Variants in WLS observed in about 807,000 individuals in gnomAD.
WLS encodes Wnt ligand secretion mediator, also known as protein wntless homolog.
In WLS, 23 loss-of-function variants were observed where a neutral mutation model predicts 62.8. The ratio of observed to expected loss-of-function variants is 0.37; its 90% CI spans 0.26 to 0.52. The LOEUF is 0.52. Ranked by LOEUF, WLS falls within the 20% of genes least tolerant of loss-of-function variation. The pLI is 0.92. For synonymous variants in WLS, 246 were observed against 244.1 expected (o/e 1.01, Z -0.07); for missense variants, 615 against 697.3 (o/e 0.88, Z 1.33).
intron 8 of WLS, 42 bp from the exon 9 acceptor site, chr1:68,146,054 C>A (rs770437027): frequency 1.2e-6 from 2 of 1,605,184 alleles, no homozygotes; most frequent in East Asian, 4.5e-5. Context: ...TAGCCAAGGC[C>A]AAGTTGAGCC....
At chr1:68,202,081 A>T (rs976141672) in intron 1 of WLS, 1 of 152,248 alleles carries the variant, frequency 6.6e-6, no homozygotes, top group Non-Finnish European at 1.5e-5. Flanking sequence ...TCTACGTGGC[A>T]AACAAGCGCC....
Position 68,132,165 on chromosome 1 carries a change from A to G in WLS, c.1516+5615T>C, listed in dbSNP as rs542647131. 9.6e-4 allele frequency among the ~76,000 whole-genome samples: 146 copies of G among 152,342 alleles called. No individual in the cohort carries two copies. The South Asian group carries it at 0.028, about 29-fold the overall frequency. On this transcript the variant is annotated intron_variant, in intron 11 of 11. Coordinates refer to ENST00000262348, the MANE Select transcript of WLS (RefSeq NM_024911.7). ...TGACTGGGCCAGGAAAGGTCAGGTCACTGGCACAGCAATAGCCCTGGGAGA... is the reference window on the plus strand; with the variant it reads ...TGACTGGGCCAGGAAAGGTCAGGTCGCTGGCACAGCAATAGCCCTGGGAGA...
intron 2 of WLS, among the ~76,000 whole-genome samples, chr1:68,160,755 G>A (rs1020186604): frequency 6.6e-6 from 1 of 152,084 alleles, no homozygotes; most frequent in African/African-American, 2.4e-5. Context: ...AAACAGGAAT[G>A]TATCCAAACA....
chr1:68,106,237 A>G, intron 11 of WLS, among the ~76,000 whole-genome samples: 1 of 152,178 alleles, frequency 6.6e-6, no homozygotes, highest in East Asian at 1.9e-4. Context: ...TAAAGAAATA[A>G]ATGATAGTGC....
At chr1:68,191,412 A>C (rs1253019726) in intron 2 of WLS, among the ~76,000 whole-genome samples, 3 of 151,832 alleles carry the variant, frequency 2.0e-5, no homozygotes, top group African/African-American at 4.8e-5. Context: ...TGCAGGTTTC[A>C]AAAAAAAATT....
At chr1:68,113,795 G>T (rs1259378951) in intron 11 of WLS, among the ~76,000 whole-genome samples, 1 of 152,156 alleles carries the variant, frequency 6.6e-6, no homozygotes, top group Non-Finnish European at 1.5e-5. Context: ...GCAGGGAAAG[G>T]CTTGAAAAGC....
intron 2 of WLS, among the ~76,000 whole-genome samples, chr1:68,171,254 T>A (rs1647149245): frequency 6.6e-6 from 1 of 152,148 alleles, no homozygotes; most frequent in African/African-American, 2.4e-5. Context: ...GACATAGGCA[T>A]GGGCAAAGAC....
At chr1:68,168,225 T>C (rs980036644) in intron 2 of WLS, among the ~76,000 whole-genome samples, 1 of 151,990 alleles carries the variant, frequency 6.6e-6, no homozygotes, top group Non-Finnish European at 1.5e-5. Context: ...GGAAAAGCAA[T>C]GAAAAGGCCA....
At chr1:68,227,191 T>C (rs1650183166) in intron 1 of WLS, among the ~76,000 whole-genome samples, 1 of 152,098 alleles carries the variant, frequency 6.6e-6, no homozygotes, top group African/African-American at 2.4e-5. Context: ...GCCAGGAGTT[T>C]GAGACCAGCC....
intron 8 of WLS, among the ~76,000 whole-genome samples, chr1:68,147,523 T>C (rs77167914): frequency 0.039 from 6,006 of 152,274 alleles, 139 homozygotes; most frequent in Middle Eastern, 0.095. Context: ...CCAAGATCAT[T>C]TCACATACTA....
chr1:68,109,708 AAAG>A (rs1646196106), intron 11 of WLS, among the ~76,000 whole-genome samples: 1 of 152,130 alleles, frequency 6.6e-6, no homozygotes, highest in African/African-American at 2.4e-5. Context: ...TATAAATAAG[AAAG>A]AAGGATCAAT....
intron 1 of WLS, among the ~76,000 whole-genome samples, chr1:68,217,698 G>C (rs1246233835): frequency 6.6e-6 from 1 of 152,132 alleles, no homozygotes; most frequent in Non-Finnish European, 1.5e-5. Flanking sequence ...GCATAACCCT[G>C]GGCTTTGGAT....
intron 11 of WLS, among the ~76,000 whole-genome samples, chr1:68,104,591 G>C (rs1646120623): frequency 6.6e-6 from 1 of 152,122 alleles, no homozygotes; most frequent in African/African-American, 2.4e-5. Context: ...TGTCAAGTTT[G>C]TGAGTTCACC....
intron 11 of WLS, among the ~76,000 whole-genome samples, chr1:68,114,666 G>C (rs1231620508): frequency 6.6e-6 from 1 of 152,160 alleles, no homozygotes. Context: ...CCAGATGATG[G>C]AGTGACCACT....
chr1:68,149,574 A>T (rs893680076), intron 6 of WLS, among the ~76,000 whole-genome samples: 3 of 152,234 alleles, frequency 2.0e-5, no homozygotes, highest in African/African-American at 7.2e-5. Flanking sequence ...TCCAGCTGGC[A>T]TATCATCTTA....
chr1:68,183,269 C>A (rs533739817), intron 2 of WLS, among the ~76,000 whole-genome samples: 7 of 152,136 alleles, frequency 4.6e-5, no homozygotes, highest in Admixed American at 3.9e-4. Context: ...GAAAGAAGAC[C>A]TCTTTTTGGT....
intron 3 of WLS, among the ~76,000 whole-genome samples, chr1:68,158,130 T>C (rs1022909428): frequency 2.0e-5 from 3 of 152,136 alleles, no homozygotes; most frequent in Admixed American, 6.5e-5. Flanking sequence ...TCATAGAGTT[T>C]AATAAACTGA....
chr1:68,112,082 C>T (rs1187532617), intron 11 of WLS, among the ~76,000 whole-genome samples: 3 of 152,220 alleles, frequency 2.0e-5, no homozygotes, highest in African/African-American at 4.8e-5. Context: ...AGAAAACATT[C>T]GCTGGCTGTG....
Position 68,232,254 on chromosome 1 carries a change from T to G in WLS, c.46A>C (p.Ile16Leu), listed in dbSNP as rs1376915170. The change falls in exon 1 of 12, where the codon ATT (isoleucine) becomes CTT (leucine). Residue 16 changes from isoleucine to leucine, a missense_variant. Transcript: ENST00000262348. ...IENMSTKKLC[I>L]VGGILLVFQI... ...AACACGAGCAGAATCCCACCAACAA[T>G]GCACAGCTTCTTGGTGCTCATGTTT... 5 of 1,614,134 alleles carry G rather than the reference T, an allele frequency of 3.1e-6. No homozygotes were observed. The highest frequency in any genetic ancestry group is 4.2e-6 in the Non-Finnish European group (5 of 1,180,000).
Sources: allele counts gnomAD v4.1 joint callset (sites outside exome capture counted in the v4.1 genomes callset), GRCh38; gene constraint gnomAD v4.1.1; transcripts MANE v1.5; gene names NCBI Gene and HGNC (gene_info 2026-07-23, HGNC 2026-07-21).